Variants in SCGB2B2 observed in about 807,000 individuals in gnomAD.
SCGB2B2 encodes secretoglobin-like protein.
In SCGB2B2, 11 loss-of-function variants were observed where a neutral mutation model predicts 7.6. That is an observed-to-expected ratio of 1.45 (90% CI 0.91 to 2.40). The LOEUF (loss-of-function observed/expected upper bound fraction) is 2.40, where lower values mean the gene tolerates loss of function less well. Ranked by LOEUF, SCGB2B2 falls within the 30% of genes most tolerant of loss-of-function variation. The probability of loss-of-function intolerance (pLI) is 0.00; values close to 1 mark genes in which losing one functional copy is unlikely to be tolerated. For missense variants in SCGB2B2, 104 were observed against 115.4 expected (o/e 0.90, Z 0.45); for synonymous variants, 50 against 48.6 (o/e 1.03, Z -0.12).
chr19:34,600,918 G>GGGGTGT (rs1555744196), intron 1 of SCGB2B2, among the ~76,000 whole-genome samples: 1 of 150,012 alleles, frequency 6.7e-6, no homozygotes, highest in Non-Finnish European at 1.5e-5. Flanking sequence ...CTCGGGGTGT[G>GGGGTGT]GTGTGTGTGT....
At chr19:34,601,980 A>C (rs2065637425) in intron 1 of SCGB2B2, among the ~76,000 whole-genome samples, 1 of 152,198 alleles carries the variant, frequency 6.6e-6, no homozygotes, top group Non-Finnish European at 1.5e-5. Flanking sequence ...GAAAAGCTAC[A>C]AAAATTTTAA....
chr19:34,643,493 C>T (rs997062800), intron 1 of SCGB2B2, among the ~76,000 whole-genome samples: 23 of 152,214 alleles, frequency 1.5e-4, no homozygotes, highest in Non-Finnish European at 1.3e-4. Flanking sequence ...GCATAAGTTC[C>T]ATCATTCGAT....
intron 1 of SCGB2B2, among the ~76,000 whole-genome samples, chr19:34,627,684 A>G (rs888640744): frequency 1.3e-5 from 2 of 152,218 alleles, no homozygotes; most frequent in African/African-American, 2.4e-5. Context: ...TTTAACAAAC[A>G]TCCCACTGTC....
At chr19:34,601,071 A>C (rs1008125230) in intron 1 of SCGB2B2, among the ~76,000 whole-genome samples, 20 of 152,158 alleles carry the variant, frequency 1.3e-4, no homozygotes, top group African/African-American at 4.8e-4. Flanking sequence ...ACTTTGTGTA[A>C]GGTGTGGGTA....
At chr19:34,661,759 C>T (rs1354128578) in intron 1 of SCGB2B2, among the ~76,000 whole-genome samples, 1 of 152,196 alleles carries the variant, frequency 6.6e-6, no homozygotes, top group Non-Finnish European at 1.5e-5. Flanking sequence ...CCCATGCAGC[C>T]CAGGACAGCT....
intron 1 of SCGB2B2, among the ~76,000 whole-genome samples, chr19:34,673,656 A>G (rs1465556035): frequency 6.6e-6 from 1 of 152,178 alleles, no homozygotes; most frequent in Non-Finnish European, 1.5e-5. Context: ...TTATTACAGT[A>G]TTCATTTAAA....
intron 1 of SCGB2B2, among the ~76,000 whole-genome samples, chr19:34,600,923 G>GTA (rs2065605976): frequency 1.6e-5 from 2 of 127,210 alleles, no homozygotes; most frequent in Admixed American, 7.1e-5. Context: ...GGTGTGGTGT[G>GTA]TGTGTGTGTG....
chr19:34,653,187 T>C (rs1385103647), intron 1 of SCGB2B2, among the ~76,000 whole-genome samples: 1 of 151,180 alleles, frequency 6.6e-6, no homozygotes, highest in Non-Finnish European at 1.5e-5. Context: ...AGAATAATGG[T>C]TACTTGAGGC....
At chr19:34,667,466 T>TGCC (rs2067666588) in intron 1 of SCGB2B2, among the ~76,000 whole-genome samples, 1 of 152,256 alleles carries the variant, frequency 6.6e-6, no homozygotes, top group South Asian at 2.1e-4. Flanking sequence ...GCCCTGCTGC[T>TGCC]GCCCCTCCTC....
intron 1 of SCGB2B2, among the ~76,000 whole-genome samples, chr19:34,655,450 T>G (rs1216744863): frequency 1.3e-5 from 2 of 151,154 alleles, no homozygotes; most frequent in African/African-American, 4.9e-5. Context: ...CAGAAAAATT[T>G]TAAAACTACC....
intron 1 of SCGB2B2, among the ~76,000 whole-genome samples, chr19:34,601,984 A>G (rs1323621293): frequency 6.6e-6 from 1 of 152,184 alleles, no homozygotes. Context: ...AGCTACAAAA[A>G]TTTTAAAAAG....
downstream of SCGB2B2, among the ~76,000 whole-genome samples, chr19:34,587,010 C>T (rs758460065): frequency 2.6e-5 from 4 of 152,084 alleles, no homozygotes; most frequent in Non-Finnish European, 4.4e-5. Context: ...CAGGTTCAAG[C>T]GATTCTCCTG....
Position 34,594,350 on chromosome 19 carries a change from C to A in SCGB2B2, c.71G>T (p.Cys24Phe), listed in dbSNP as rs779139434. The A allele has an allele frequency of 6.2e-7, 1 of 1,613,826 alleles. No homozygotes were observed. Among genetic ancestry groups the A allele is most frequent in the Non-Finnish European group, 8.5e-7 (1 of 1,179,812 alleles). ...CGCAAGCAGTTTATCGATATCCAGG[C>A]AGGCATCCCCTGTGGAGGATGAGGT... is the stretch of plus-strand genomic sequence containing the variant. ...LICSVQLGDA[C>F]LDIDKLLANV... Residue 24 changes from cysteine (C) to phenylalanine (F), a missense_variant, in exon 3 of 4, where the codon TGC becomes TTC. Physicochemically the swap from Cys to Phe is radical, Grantham distance 205. Coordinates refer to ENST00000601241, the MANE Select transcript of SCGB2B2 (RefSeq NM_001025591.4).
intron 1 of SCGB2B2, among the ~76,000 whole-genome samples, chr19:34,631,736 T>C (rs2145952085): frequency 6.6e-6 from 1 of 152,256 alleles, no homozygotes; most frequent in African/African-American, 2.4e-5. Context: ...AAATCCACAA[T>C]ACTTTTATTA....
At chr19:34,629,991 T>C (rs529736113) in intron 1 of SCGB2B2, among the ~76,000 whole-genome samples, 1 of 151,942 alleles carries the variant, frequency 6.6e-6, no homozygotes, top group East Asian at 1.9e-4. Context: ...TTGACAAACC[T>C]GACAAAAAGA....
In SCGB2B2 at chr19:34,594,287, TC is replaced by T; in HGVS notation, c.133del (p.Glu45ArgfsTer11). On this transcript the variant is annotated frameshift_variant, in exon 3 of 4. Coordinates refer to ENST00000601241, the MANE Select transcript of SCGB2B2 (RefSeq NM_001025591.4). LOFTEE classifies it high-confidence loss of function. ...ACTGGGGTTGTAACGAGCAAGCTCC[TC>T]CTTCAGGAGGTCTTGGGACACATCA... Reference protein sequence around the residue: ...VFDVSQDLLKEELARYNPSPL... With the variant: ...VFDVSQDLLKXELARYNPSPL... 6.2e-7 allele frequency: 1 copy of T among 1,614,122 alleles called. No individual in the cohort carries two copies. Among genetic ancestry groups the T allele is most frequent in the Non-Finnish European group, 8.5e-7 (1 of 1,179,974 alleles).
At chr19:34,640,708 G>C (rs1344980072) in intron 1 of SCGB2B2, 2 of 152,156 alleles carry the variant, frequency 1.3e-5, no homozygotes, top group African/African-American at 4.8e-5. Context: ...CACTATCGAT[G>C]TCCAAAACTT....
At chr19:34,597,738 T>C (rs2065500662) in intron 1 of SCGB2B2, among the ~76,000 whole-genome samples, 1 of 152,100 alleles carries the variant, frequency 6.6e-6, no homozygotes, top group Non-Finnish European at 1.5e-5. Flanking sequence ...ACAACAATTA[T>C]TTGGTTTTGC....
rs2065435438 is a variant in SCGB2B2 at position 34,595,828 on chromosome 19, G to T, written c.-1265C>A. 1.3e-5 allele frequency: 2 copies of T among 152,384 alleles called. No individual in the cohort carries two copies. The highest frequency in any genetic ancestry group is 1.5e-5 in the Non-Finnish European group (1 of 68,126). 9.4% of individuals were successfully genotyped at this position (152,384 alleles called of 1,614,324 possible). On this transcript the variant is annotated 5_prime_UTR_variant, in exon 2 of 4. Transcript: ENST00000601241. ...AATCAGCAGGTGGGGACAGCTGGGG[G>T]TGGGGAAGGCAGCAGGGATGCTGAC...
Sources: gnomAD v4.1 joint callset for allele counts (sites outside exome capture counted in the v4.1 genomes callset) on GRCh38, gnomAD v4.1.1 for gene constraint, MANE v1.5 for transcripts, NCBI Gene and HGNC (gene_info 2026-07-23, HGNC 2026-07-21) for gene names.